TTC23L: variants seen among roughly 807,000 people sequenced by gnomAD.
TTC23L encodes the protein tetratricopeptide repeat protein 23-like.
A neutral mutation model predicts 48.1 loss-of-function variants in TTC23L; 42 were observed. That is an observed-to-expected ratio of 0.87 (90% CI 0.68 to 1.13). The LOEUF is 1.13. Among genes scored for constraint, TTC23L ranks in the 50% most tolerant of loss-of-function variants. The pLI, the probability that TTC23L is intolerant of heterozygous loss-of-function variation, is 0.00. For synonymous variants in TTC23L, 159 were observed against 157.2 expected, an observed-to-expected ratio of 1.01 and a Z score of -0.09; for missense variants, 391 against 421.0, an observed-to-expected ratio of 0.93 and a Z score of 0.62.
chr5:34,918,784 G>T, the TTC23L span: 1 of 195,022 alleles, frequency 5.1e-6, no homozygotes, highest in Non-Finnish European at 1.0e-5. Context: ...TTTGTCCTAA[G>T]TGCTAAGGAC....
downstream of TTC23L, among the ~76,000 whole-genome samples, chr5:34,900,762 A>G (rs1763488416): frequency 6.6e-6 from 1 of 152,242 alleles, no homozygotes; most frequent in Non-Finnish European, 1.5e-5. Flanking sequence ...TTTATGGTGC[A>G]CTAAACATGA....
intron 9 of TTC23L, among the ~76,000 whole-genome samples, chr5:34,892,649 T>C (rs1304125852): frequency 6.6e-6 from 1 of 152,174 alleles, no homozygotes. Flanking sequence ...GTGGAAACTC[T>C]GCGTAGGTTG....
chr5:34,897,765 G>A (rs905958016), intron 10 of TTC23L, among the ~76,000 whole-genome samples: 3 of 152,202 alleles, frequency 2.0e-5, no homozygotes, highest in African/African-American at 7.2e-5. Flanking sequence ...TTTGTTGAAA[G>A]CAAAGGGTGT....
At chr5:34,865,702 T>G (rs1256089517) in intron 6 of TTC23L, among the ~76,000 whole-genome samples, 1 of 152,206 alleles carries the variant, frequency 6.6e-6, no homozygotes, top group African/African-American at 2.4e-5. Flanking sequence ...AGGGTAGGTA[T>G]TTCTATTATT....
chr5:34,897,916 G>C (rs1280608428), intron 10 of TTC23L, among the ~76,000 whole-genome samples: 1 of 152,172 alleles, frequency 6.6e-6, no homozygotes, highest in South Asian at 2.1e-4. Context: ...TATGACTTCA[G>C]TGCATCCCTA....
chr5:34,904,736 G>A, the TTC23L span, among the ~76,000 whole-genome samples: 1 of 152,128 alleles, frequency 6.6e-6, no homozygotes, highest in South Asian at 2.1e-4. Flanking sequence ...CTGTCCTAAC[G>A]TAGTCAGCCA....
At chr5:34,847,013 G>A (rs758021357) in intron 3 of TTC23L, among the ~76,000 whole-genome samples, 3 of 152,084 alleles carry the variant, frequency 2.0e-5, no homozygotes, top group Admixed American at 1.3e-4. Flanking sequence ...ACAGCAAGAC[G>A]TCGACTCTCA....
rs539678246 is a variant in TTC23L at position 34,868,793 on chromosome 5, A to G, written c.841-112A>G. The stretch of plus-strand genomic sequence containing the variant: ...CGAATGAAGGTGAAATTACTTGCAC[A>G]AGACTCATAGCTAGGAAGTGGCAGA... On this transcript the variant is annotated intron_variant, in intron 7 of 10. Coordinates refer to ENST00000505624, the Ensembl canonical transcript of TTC23L. 8.4e-6 allele frequency: 7 copies of G among 836,602 alleles called. No individual in the cohort carries two copies. In the South Asian group the frequency reaches 1.1e-4, roughly 13 times the overall value. The allele number at this position is 836,602 out of a possible 1,614,324, so 51.8% of individuals were successfully genotyped here.
chr5:34,869,074 A>C (rs1761262986), intron 8 of TTC23L, 61 bp downstream of exon 8: 2 of 1,328,080 alleles, frequency 1.5e-6, no homozygotes, highest in Non-Finnish European at 2.1e-6. Context: ...CACATTGGCA[A>C]ACAGCCTATC....
the TTC23L span, chr5:34,925,023 G>C: frequency 2.2e-5 from 34 of 1,572,834 alleles, no homozygotes; most frequent in East Asian, 7.2e-4. Context: ...AGAACCCTTT[G>C]GCCAAAATGA....
At chr5:34,897,612 C>T (rs1166310449) in intron 10 of TTC23L, among the ~76,000 whole-genome samples, 1 of 152,146 alleles carries the variant, frequency 6.6e-6, no homozygotes, top group Non-Finnish European at 1.5e-5. Context: ...CATGAACACA[C>T]CATACCTGGC....
intron 8 of TTC23L, among the ~76,000 whole-genome samples, chr5:34,876,359 G>T (rs1383238956): frequency 2.0e-5 from 3 of 151,726 alleles, no homozygotes; most frequent in Admixed American, 6.6e-5. Context: ...AATTGATAAA[G>T]CTCTAGCCAG....
At chr5:34,915,037 A>C in the TTC23L span, 99 of 805,790 alleles carry the variant, frequency 1.2e-4, no homozygotes, top group Non-Finnish European at 1.8e-4. Flanking sequence ...GAGAGGTGGA[A>C]AGGGGCTGGG....
At chr5:34,862,633 C>T (rs959838850) in intron 4 of TTC23L, among the ~76,000 whole-genome samples, 2 of 152,062 alleles carry the variant, frequency 1.3e-5, no homozygotes, top group African/African-American at 2.4e-5. Flanking sequence ...GAATAAGAAC[C>T]ACTTGTGGTG....
At chr5:34,879,420 A>C (rs1762069531) in intron 8 of TTC23L, among the ~76,000 whole-genome samples, 1 of 152,150 alleles carries the variant, frequency 6.6e-6, no homozygotes, top group African/African-American at 2.4e-5. Context: ...CACAACATTA[A>C]AATTAAATTT....
chr5:34,858,445 G>C lies in TTC23L; in HGVS notation c.380-4453G>C, dbSNP rs560238768. Among the ~76,000 whole-genome samples, 4 of 152,146 alleles carry C rather than the reference G, an allele frequency of 2.6e-5. No homozygotes were observed. In the East Asian group the frequency reaches 7.7e-4, roughly 29 times the overall value. On this transcript the variant is annotated intron_variant, in intron 4 of 10. Coordinates refer to ENST00000505624, the Ensembl canonical transcript of TTC23L. ...TATGAAAATAATTATCACAAGTGGAGGAAGCCTTGTGGTTTTTTTAAAATA... is the reference window on the plus strand; with the variant it reads ...TATGAAAATAATTATCACAAGTGGACGAAGCCTTGTGGTTTTTTTAAAATA...
chr5:34,875,373 A>G (rs7717477), intron 8 of TTC23L, among the ~76,000 whole-genome samples: 46,889 of 151,990 alleles, frequency 0.31, 7,674 homozygotes, highest in South Asian at 0.47. Context: ...AGGATCACAA[A>G]GTCCCGCAAT....
chr5:34,909,083 A>T, the TTC23L span: 1 of 1,016,538 alleles, frequency 9.8e-7, no homozygotes. Flanking sequence ...TTTCTGTTTT[A>T]AAATTCATTC....
intron 2 of TTC23L, among the ~76,000 whole-genome samples, chr5:34,841,361 C>G (rs1258429571): frequency 6.6e-6 from 1 of 152,144 alleles, no homozygotes; most frequent in Admixed American, 6.5e-5. Context: ...AACGTCTTAG[C>G]TGATTTAATC....
Sources: gnomAD v4.1 joint callset for allele counts (sites outside exome capture counted in the v4.1 genomes callset) on GRCh38, gnomAD v4.1.1 for gene constraint, MANE v1.5 for transcripts, NCBI Gene and HGNC (gene_info 2026-07-23, HGNC 2026-07-21) for gene names.